Variants in LAMC2 observed in about 807,000 individuals in gnomAD.
LAMC2 encodes laminin subunit gamma-2.
LAMC2 carries 97 observed loss-of-function variants against 140.2 expected under a neutral mutation model. The observed-to-expected ratio is 0.69, with a 90% CI of 0.59 to 0.82. The LOEUF (loss-of-function observed/expected upper bound fraction) is 0.82. Among genes scored for constraint, LAMC2 ranks in the 40% least tolerant of loss-of-function variants. LAMC2 has a pLI of 0.00. For synonymous variants in LAMC2, 513 were observed against 540.2 expected (o/e 0.95, Z 0.70); for missense variants, 1,402 against 1,476.1 (o/e 0.95, Z 0.82).
intron 7 of LAMC2, among the ~76,000 whole-genome samples, chr1:183,224,071 T>G (rs377304096): frequency 1.1e-4 from 16 of 152,084 alleles, no homozygotes; most frequent in East Asian, 5.8e-4. Flanking sequence ...GTAGGATAAT[T>G]GCTTTAGGGG....
chr1:183,240,435 G>C, intron 22 of LAMC2, 44 bp downstream of exon 22: 1 of 1,611,596 alleles, frequency 6.2e-7, no homozygotes, highest in Non-Finnish European at 8.5e-7. Flanking sequence ...CCATGCTCCA[G>C]GGCTTTGCTC....
chr1:183,205,788 A>G (rs539695713), intron 1 of LAMC2, among the ~76,000 whole-genome samples: 41 of 145,852 alleles, frequency 2.8e-4, no homozygotes, highest in African/African-American at 8.5e-4. Flanking sequence ...ATAAAAGAAT[A>G]AAAAGAGAGT....
Position 183,235,641 on chromosome 1 carries a change from CCT to C in LAMC2, c.2371_2372del (p.Ser791ThrfsTer8). The part of the protein sequence containing the change: ...RETEDYSKQA[L>X]SLVRKALHEG... Reference sequence around the variant, plus strand: ...AAACTGAGGACTATTCCAAACAAGCCCTCTCACTGGTGCGCAAGGCCCTGCAT... The same window carrying C: ...AAACTGAGGACTATTCCAAACAAGCCCTCACTGGTGCGCAAGGCCCTGCAT... On this transcript the variant is annotated frameshift_variant, in exon 16 of 23. Coordinates refer to ENST00000264144, the MANE Select transcript of LAMC2 (RefSeq NM_005562.3). LOFTEE classifies it high-confidence loss of function. 6.2e-7 allele frequency: 1 copy of C among 1,614,200 alleles called. No individual in the cohort carries two copies. The highest frequency in any genetic ancestry group is 8.5e-7 in the Non-Finnish European group (1 of 1,180,032).
chr1:183,250,594 A>C, the LAMC2 span: 1 of 152,610 alleles, frequency 6.6e-6, no homozygotes, highest in Non-Finnish European at 1.5e-5. Flanking sequence ...CTGCTGGCTG[A>C]CCTGGACCAG....
chr1:183,242,989 T>A (rs553727872), intron 22 of LAMC2, among the ~76,000 whole-genome samples, 158 bp from the exon 23 acceptor site: 1 of 152,312 alleles, frequency 6.6e-6, no homozygotes, highest in Non-Finnish European at 1.5e-5. Flanking sequence ...TCTTTCTAGG[T>A]GATTTCTAAT....
rs140238767 is a variant in LAMC2, at chr1:183,236,030, A to G, written c.2456+300A>G. Among the ~76,000 whole-genome samples, 319 of 152,262 alleles carry G rather than the reference A, an allele frequency of 2.1e-3. 1 individual carries two copies. The highest frequency in any genetic ancestry group is 6.7e-3 in the African/African-American group (280 of 41,546). On this transcript the variant is annotated intron_variant, in intron 16 of 22. Transcript: ENST00000264144. The stretch of plus-strand genomic sequence containing the variant: ...TAAACCCATCTGATGGCATGGGGAG[A>G]TATAAAAATACAGAAATATATTTCT...
chr1:183,210,624 G>T (rs1194152661), intron 2 of LAMC2, among the ~76,000 whole-genome samples: 1 of 152,140 alleles, frequency 6.6e-6, no homozygotes, highest in East Asian at 1.9e-4. Context: ...ATTTTTCAAT[G>T]CCCAAAAGCA....
intron 1 of LAMC2, among the ~76,000 whole-genome samples, chr1:183,202,858 T>C (rs1231456243): frequency 6.6e-6 from 1 of 152,232 alleles, no homozygotes; most frequent in Non-Finnish European, 1.5e-5. Context: ...TTTGCTACTG[T>C]ATGCATCCCA....
intron 22 of LAMC2, among the ~76,000 whole-genome samples, chr1:183,242,337 T>G (rs1214456725): frequency 1.3e-5 from 2 of 152,232 alleles, no homozygotes; most frequent in Middle Eastern, 3.2e-3. Flanking sequence ...CCTGGAGCAA[T>G]ATGAGATTAA....
At chr1:183,255,497 T>C in the LAMC2 span, among the ~76,000 whole-genome samples, 1 of 152,192 alleles carries the variant, frequency 6.6e-6, no homozygotes, top group Non-Finnish European at 1.5e-5. Context: ...TAAATCTTTA[T>C]ATTTCTTTAG....
intron 2 of LAMC2, among the ~76,000 whole-genome samples, chr1:183,210,079 A>G (rs1351148234): frequency 1.3e-5 from 2 of 152,192 alleles, no homozygotes; most frequent in Non-Finnish European, 2.9e-5. Context: ...AAATAACTAA[A>G]GAGGGGGCTA....
At chr1:183,245,663 G>C (rs1660226857), downstream of LAMC2, among the ~76,000 whole-genome samples, 1 of 152,190 alleles carries the variant, frequency 6.6e-6, no homozygotes, top group South Asian at 2.1e-4. Flanking sequence ...CATGCAAAGG[G>C]GTCTGGAAGA....
chr1:183,235,594 A>G lies in LAMC2; in HGVS notation c.2320A>G (p.Asn774Asp). 1 of 1,614,232 alleles carries G rather than the reference A, an allele frequency of 6.2e-7. No homozygotes were observed. Among genetic ancestry groups the G allele is most frequent in the Non-Finnish European group, 8.5e-7 (1 of 1,180,026 alleles). Residue 774 changes from asparagine (N) to aspartate (D), a missense_variant, in exon 16 of 23, where the codon AAC becomes GAC. Coordinates refer to ENST00000264144, the MANE Select transcript of LAMC2 (RefSeq NM_005562.3). ...LAESHVESAS[N>D]MEQLTRETED... ...TTTCAGCCACGTTGAGTCAGCCAGT[A>G]ACATGGAGCAACTGACAAGGGAAAC...
At chr1:183,258,797 A>G in the LAMC2 span, among the ~76,000 whole-genome samples, 1 of 151,902 alleles carries the variant, frequency 6.6e-6, no homozygotes, top group Admixed American at 6.6e-5. Context: ...CCCCCCACCC[A>G]GGAACTGACT....
the LAMC2 span, among the ~76,000 whole-genome samples, chr1:183,255,361 C>T: frequency 6.6e-6 from 1 of 151,728 alleles, no homozygotes; most frequent in East Asian, 1.9e-4. Flanking sequence ...ATGCCTCCAA[C>T]TTTTTTTTTC....
intron 3 of LAMC2, among the ~76,000 whole-genome samples, chr1:183,216,199 G>A (rs1004836800): frequency 3.0e-4 from 45 of 152,154 alleles, no homozygotes; most frequent in Admixed American, 3.3e-4. Flanking sequence ...TGCCCACTTT[G>A]CTGGCTCCTT....
At chr1:183,218,248 C>A in intron 3 of LAMC2, 142 bp from the exon 4 acceptor site, 2 of 712,024 alleles carry the variant, frequency 2.8e-6, no homozygotes, top group South Asian at 1.6e-5. Context: ...GAGGTCCGCA[C>A]GGGCGAGGAT....
the LAMC2 span, among the ~76,000 whole-genome samples, chr1:183,258,958 G>T: frequency 6.6e-6 from 1 of 152,134 alleles, no homozygotes; most frequent in Non-Finnish European, 1.5e-5. Flanking sequence ...ATAAAACTCT[G>T]GTCTCCCGCA....
chr1:183,195,302 T>C (rs1658480118), intron 1 of LAMC2, among the ~76,000 whole-genome samples: 1 of 152,032 alleles, frequency 6.6e-6, no homozygotes, highest in Non-Finnish European at 1.5e-5. Context: ...GTCTAGGCTG[T>C]GATATAATGT....
Sources: allele counts gnomAD v4.1 joint callset (sites outside exome capture counted in the v4.1 genomes callset), GRCh38; gene constraint gnomAD v4.1.1; transcripts MANE v1.5; gene names NCBI Gene and HGNC (gene_info 2026-07-23, HGNC 2026-07-21).